The following RAPGEF4 variants were observed in gnomAD, a reference collection of about 807,000 sequenced individuals.
RAPGEF4 encodes the protein RAP guanine-nucleotide-exchange factor (GEF) 4.
RAPGEF4 carries 66 observed loss-of-function variants against 147.9 expected under a neutral mutation model. The observed-to-expected ratio is 0.45, with a 90% CI of 0.37 to 0.55. The LOEUF is 0.55. Among genes scored for constraint, RAPGEF4 ranks in the 20% least tolerant of loss-of-function variants. RAPGEF4 has a pLI of 0.00. For synonymous variants in RAPGEF4, 419 were observed against 442.7 expected (o/e 0.95, Z 0.67); for missense variants, 1,071 against 1,257.3 (o/e 0.85, Z 2.24).
At chr2:172,770,341 C>G (rs1203286179) in intron 1 of RAPGEF4, among the ~76,000 whole-genome samples, 1 of 152,180 alleles carries the variant, frequency 6.6e-6, no homozygotes, top group Non-Finnish European at 1.5e-5. Flanking sequence ...TGGGCTACCC[C>G]ACTGCCTATG....
chr2:173,020,283 G>A, intron 22 of RAPGEF4, among the ~76,000 whole-genome samples: 1 of 151,290 alleles, frequency 6.6e-6, no homozygotes, highest in Non-Finnish European at 1.5e-5. Flanking sequence ...CAAAGTCCTG[G>A]GTGTGATTAC....
intron 6 of RAPGEF4, among the ~76,000 whole-genome samples, chr2:172,926,912 A>T (rs1685430471): frequency 6.6e-6 from 1 of 152,134 alleles, no homozygotes; most frequent in African/African-American, 2.4e-5. Context: ...TGATAGTATG[A>T]TTAATAAGCT....
At chr2:172,807,237 G>T (rs146061900) in intron 3 of RAPGEF4, among the ~76,000 whole-genome samples, 14 of 152,354 alleles carry the variant, frequency 9.2e-5, no homozygotes, top group African/African-American at 3.1e-4. Flanking sequence ...GTGGTTGGAT[G>T]CAAAACTGCG....
intron 15 of RAPGEF4, among the ~76,000 whole-genome samples, chr2:172,992,462 T>C (rs1044065684): frequency 7.2e-5 from 11 of 152,232 alleles, no homozygotes; most frequent in Non-Finnish European, 1.6e-4. Context: ...TGGGGAAAAT[T>C]ATGCTTACTG....
chr2:172,922,634 T>G (rs911887932), intron 6 of RAPGEF4, among the ~76,000 whole-genome samples: 34 of 152,368 alleles, frequency 2.2e-4, no homozygotes, highest in African/African-American at 8.2e-4. Context: ...TATAGAAAAC[T>G]AGTTGTTTTT....
At chr2:172,747,078 G>A (rs1308793442) in intron 1 of RAPGEF4, among the ~76,000 whole-genome samples, 2 of 152,130 alleles carry the variant, frequency 1.3e-5, no homozygotes, top group Non-Finnish European at 2.9e-5. Context: ...TTAGTAACTT[G>A]ATTCTTGGTA....
At chr2:172,856,354 G>A (rs1693413338) in intron 4 of RAPGEF4, among the ~76,000 whole-genome samples, 1 of 152,042 alleles carries the variant, frequency 6.6e-6, no homozygotes, top group Admixed American at 6.6e-5. Flanking sequence ...ATGTCCTTGA[G>A]CACTTAGTTA....
chr2:173,000,042 T>A (rs1240059745), intron 16 of RAPGEF4, among the ~76,000 whole-genome samples: 2 of 152,194 alleles, frequency 1.3e-5, no homozygotes, highest in South Asian at 4.1e-4. Context: ...TTCTCAAGAA[T>A]ATATAAAACA....
intron 1 of RAPGEF4, among the ~76,000 whole-genome samples, chr2:172,783,877 C>T (rs1192639299): frequency 1.3e-5 from 2 of 151,864 alleles, no homozygotes; most frequent in Admixed American, 6.6e-5. Flanking sequence ...CACAGTGATG[C>T]ACCAAAGTTT....
chr2:172,964,007 G>A (rs1166475171), intron 8 of RAPGEF4, among the ~76,000 whole-genome samples: 1 of 152,042 alleles, frequency 6.6e-6, no homozygotes, highest in African/African-American at 2.4e-5. Context: ...AGACGCTCTG[G>A]GATCATCTCG....
intron 4 of RAPGEF4, among the ~76,000 whole-genome samples, chr2:172,912,766 A>G (rs1305973490): frequency 6.6e-6 from 1 of 152,162 alleles, no homozygotes; most frequent in Non-Finnish European, 1.5e-5. Flanking sequence ...GGCTAGATCC[A>G]TCAGTTCCTC....
chr2:172,894,146 C>A (rs1698222285), intron 4 of RAPGEF4: 1 of 152,302 alleles, frequency 6.6e-6, no homozygotes, highest in South Asian at 2.1e-4. Context: ...TAATCCATAG[C>A]CTTGTCCCTA....
chr2:172,990,028 A>AAAC (rs1305089754), intron 14 of RAPGEF4, among the ~76,000 whole-genome samples: 1 of 139,674 alleles, frequency 7.2e-6, no homozygotes, highest in Non-Finnish European at 1.6e-5. Context: ...AAAAAAAAAA[A>AAAC]AGAAAAGAAA....
intron 2 of RAPGEF4, among the ~76,000 whole-genome samples, chr2:172,795,835 CCT>C (rs1574862705): frequency 6.6e-6 from 1 of 152,146 alleles, no homozygotes; most frequent in Non-Finnish European, 1.5e-5. Context: ...TCAGGTCCTT[CCT>C]GTATTTTTTG....
chr2:173,031,454 A>G (rs1697187425), intron 26 of RAPGEF4, among the ~76,000 whole-genome samples: 1 of 152,214 alleles, frequency 6.6e-6, no homozygotes, highest in African/African-American at 2.4e-5. Flanking sequence ...GTCCTCCTGC[A>G]AAGAGTCTGC....
chr2:172,742,864 T>A (rs1404295544), intron 1 of RAPGEF4, among the ~76,000 whole-genome samples: 2 of 152,204 alleles, frequency 1.3e-5, no homozygotes, highest in Non-Finnish European at 2.9e-5. Context: ...GTCTCCTGCA[T>A]GCAGCCTGGG....
intron 1 of RAPGEF4, among the ~76,000 whole-genome samples, chr2:172,750,522 C>A (rs990488199): frequency 6.6e-6 from 1 of 152,116 alleles, no homozygotes; most frequent in Admixed American, 6.5e-5. Context: ...TCCCGTCCCG[C>A]AACACATAGG....
intron 1 of RAPGEF4, among the ~76,000 whole-genome samples, chr2:172,777,906 G>T (rs1684325765): frequency 6.6e-6 from 1 of 152,080 alleles, no homozygotes; most frequent in Non-Finnish European, 1.5e-5. Flanking sequence ...TTTTCTGTGG[G>T]TGAAGGAGGT....
intron 23 of RAPGEF4, among the ~76,000 whole-genome samples, chr2:173,024,094 C>T (rs1190492956): frequency 6.6e-6 from 1 of 152,256 alleles, no homozygotes; most frequent in African/African-American, 2.4e-5. Context: ...CACTTTTCTT[C>T]CCTGTCCTCT....
Sources: gnomAD v4.1 joint callset for allele counts (sites outside exome capture counted in the v4.1 genomes callset) on GRCh38, gnomAD v4.1.1 for gene constraint, MANE v1.5 for transcripts, NCBI Gene and HGNC (gene_info 2026-07-23, HGNC 2026-07-21) for gene names.